Variants in PASD1 observed in about 807,000 individuals in gnomAD.
The protein encoded by PASD1 is circadian clock protein PASD1.
PASD1 carries 13 observed loss-of-function variants against 58.8 expected under a neutral mutation model. The observed-to-expected ratio is 0.22, with a 90% CI of 0.14 to 0.35. The LOEUF (loss-of-function observed/expected upper bound fraction) is 0.35. Ranked by LOEUF, PASD1 falls within the 10% of genes least tolerant of loss-of-function variation. The pLI is 1.00. For missense variants in PASD1, 734 were observed against 568.3 expected, an observed-to-expected ratio of 1.29 and a Z score of -2.96; for synonymous variants, 236 against 216.7, an observed-to-expected ratio of 1.09 and a Z score of -0.78.
chrX:151,602,340 T>C (rs2013428183), intron 2 of PASD1, among the ~76,000 whole-genome samples: 1 of 111,581 alleles, frequency 9.0e-6, no homozygotes, highest in African/African-American at 3.3e-5. Context: ...CACTTTATTC[T>C]GTTTGTAACA....
chrX:151,665,072 G>A lies in PASD1; in HGVS notation c.1071+724G>A, dbSNP rs149586499. On this transcript the variant is annotated intron_variant, in intron 11 of 15. Transcript: ENST00000370357. ...ACTGAGCCTAAGATTGAGTGACTCC[G>A]GTTCAAAAGGATCCTCATCCAGTGA... is the stretch of plus-strand genomic sequence containing the variant. Among the ~76,000 whole-genome samples, 106 of 112,007 alleles carry A rather than the reference G, an allele frequency of 9.5e-4. 1 individual carries two copies. The highest frequency in any genetic ancestry group is 1.6e-3 in the Non-Finnish European group (84 of 53,221).
At chrX:151,570,211 A>T (rs1445306189) in intron 1 of PASD1, among the ~76,000 whole-genome samples, 1 of 111,442 alleles carries the variant, frequency 9.0e-6, no homozygotes, top group Non-Finnish European at 1.9e-5. Flanking sequence ...AAGTTGAAAT[A>T]AAGTAAAATA....
At position 151,601,581 on chromosome X, in the gene PASD1, G is replaced by T; in HGVS notation, c.28G>T (p.Asp10Tyr). The T allele has an allele frequency of 2.5e-6, 3 of 1,209,428 alleles. No individual in the cohort carries two copies. Among genetic ancestry groups the T allele is most frequent in the South Asian group, 3.5e-5 (2 of 56,787 alleles). The change falls in exon 2 of 16, where the codon GAC becomes TAC. Residue 10 changes from aspartate to tyrosine, a missense_variant and splice_region_variant. By Grantham distance (160) the Asp-to-Tyr change is radical. Coordinates refer to ENST00000370357, the MANE Select transcript of PASD1 (RefSeq NM_173493.3). ...GAAGATGAGAGGGGAAAAGAGAAGA[G>T]GTATGCATTCATAACTGACTGACAT... MKMRGEKRR[D>Y]KVNPKSSQRK...
intron 8 of PASD1, among the ~76,000 whole-genome samples, chrX:151,639,306 TTTATAG>T (rs748141450): frequency 9.2e-4 from 103 of 112,530 alleles, no homozygotes; most frequent in Admixed American, 6.7e-3. Context: ...AATTTTTAAC[TTTATAG>T]TTATCTCTAA....
At chrX:151,585,098 A>G (rs1281822156) in intron 1 of PASD1, among the ~76,000 whole-genome samples, 1 of 111,977 alleles carries the variant, frequency 8.9e-6, no homozygotes, top group Non-Finnish European at 1.9e-5. Context: ...ATTCTAGTGG[A>G]AGAATAAGAA....
At chrX:151,634,995 G>T (rs1172597630) in intron 8 of PASD1, among the ~76,000 whole-genome samples, 4 of 111,527 alleles carry the variant, frequency 3.6e-5, no homozygotes, top group African/African-American at 1.3e-4. Flanking sequence ...TGGCATTTTG[G>T]TTAGGAAGTT....
rs1459045610 is a variant in PASD1, at chrX:151,665,454, T to C, written c.1071+1106T>C. ...TCTGCATGTGCTAGTGTATTAGGCTTATTCCTGGGTGCCATGTATCAGCAA... is the reference window on the plus strand; with the variant it reads ...TCTGCATGTGCTAGTGTATTAGGCTCATTCCTGGGTGCCATGTATCAGCAA... On this transcript the variant is annotated intron_variant, in intron 11 of 15. Transcript: ENST00000370357. Among the ~76,000 whole-genome samples the C allele has an allele frequency of 2.7e-5, 3 of 112,056 alleles. No homozygotes were observed. The Admixed American group carries it at 2.9e-4, about 11-fold the overall frequency.
At position 151,671,126 on chromosome X, in the gene PASD1, G is replaced by A; in HGVS notation, c.1160G>A (p.Arg387Lys). Residue 387 changes from arginine (R) to lysine (K), a missense_variant, in exon 12 of 16, where the codon AGG becomes AAG. Arg to Lys is a conservative substitution (Grantham distance 26). Transcript: ENST00000370357. ...MKKLKEQLEE[R>K]TWLLHDAIQN... ...AAGTTGAAGGAGCAGCTAGAAGAGAGGACTTGGTTGCTGCATGATGCCATC... is the reference window on the plus strand; with the variant it reads ...AAGTTGAAGGAGCAGCTAGAAGAGAAGACTTGGTTGCTGCATGATGCCATC... 1 of 1,211,823 alleles carries A rather than the reference G, an allele frequency of 8.3e-7. No individual in the cohort carries two copies. Among genetic ancestry groups the A allele is most frequent in the Non-Finnish European group, 1.1e-6 (1 of 895,454 alleles).
intron 3 of PASD1, among the ~76,000 whole-genome samples, chrX:151,607,913 G>T (rs1041083125): frequency 1.8e-5 from 2 of 111,772 alleles, no homozygotes; most frequent in Admixed American, 9.5e-5. Context: ...GGGTGGGATG[G>T]GGTATGAATC....
intron 9 of PASD1, among the ~76,000 whole-genome samples, chrX:151,657,467 C>T (rs1162296008): frequency 9.0e-6 from 1 of 111,349 alleles, no homozygotes; most frequent in African/African-American, 3.3e-5. Context: ...TGGTAGAATT[C>T]GACTGTGAGT....
Position 151,566,293 on chromosome X carries a change from G to A in PASD1, c.-28+2454G>A, listed in dbSNP as rs893966409. ...AGAAACCCAGACACTGGACTTCAAA[G>A]AGAAGGGAGTGATCAATTTACCCTG... On this transcript the variant is annotated intron_variant, in intron 1 of 15. Coordinates refer to ENST00000370357, the MANE Select transcript of PASD1 (RefSeq NM_173493.3). Among the ~76,000 whole-genome samples the A allele has an allele frequency of 3.6e-5, 4 of 112,432 alleles. No homozygotes were observed. The South Asian group carries it at 1.5e-3, about 42-fold the overall frequency.
At chrX:151,626,255 A>G (rs765743312) in intron 8 of PASD1, among the ~76,000 whole-genome samples, 5 of 112,034 alleles carry the variant, frequency 4.5e-5, no homozygotes, top group Non-Finnish European at 7.5e-5. Context: ...TGCTAATTAT[A>G]CAGGCATTCC....
chrX:151,567,151 G>A (rs1305423301), intron 1 of PASD1, among the ~76,000 whole-genome samples: 3 of 110,959 alleles, frequency 2.7e-5, no homozygotes, highest in Admixed American at 9.6e-5. Context: ...TTCGATTTTC[G>A]AGTCAGGGAT....
chrX:151,671,367 G>A (rs2014466600), intron 12 of PASD1, among the ~76,000 whole-genome samples, 171 bp downstream of exon 12: 1 of 112,157 alleles, frequency 8.9e-6, no homozygotes, highest in African/African-American at 3.2e-5. Flanking sequence ...CTCCAGCAGG[G>A]ACTTAGAGTT....
At chrX:151,587,706 A>G (rs1202676103) in intron 1 of PASD1, among the ~76,000 whole-genome samples, 1 of 111,796 alleles carries the variant, frequency 8.9e-6, no homozygotes, top group Non-Finnish European at 1.9e-5. Flanking sequence ...GGATACCTCA[A>G]AAACACCAGG....
At chrX:151,604,439 T>C (rs1301507313) in intron 2 of PASD1, among the ~76,000 whole-genome samples, 1 of 112,038 alleles carries the variant, frequency 8.9e-6, no homozygotes, top group Non-Finnish European at 1.9e-5. Flanking sequence ...TTGGATGATC[T>C]TCAAAGTCTT....
At chrX:151,630,568 G>T (rs1388422259) in intron 8 of PASD1, among the ~76,000 whole-genome samples, 1 of 112,322 alleles carries the variant, frequency 8.9e-6, no homozygotes, top group Non-Finnish European at 1.9e-5. Context: ...AGAAGAGATT[G>T]CATCATATCA....
At chrX:151,578,996 C>T (rs1216484970) in intron 1 of PASD1, among the ~76,000 whole-genome samples, 1 of 111,987 alleles carries the variant, frequency 8.9e-6, no homozygotes, top group African/African-American at 3.2e-5. Context: ...TCCTGAGAAC[C>T]CGTCCTTTAA....
chrX:151,614,739 G>T (rs1343324537), intron 4 of PASD1, among the ~76,000 whole-genome samples: 1 of 111,920 alleles, frequency 8.9e-6, no homozygotes, highest in African/African-American at 3.3e-5. Context: ...AGATTATCTT[G>T]TAGTTAGGTT....
Sources: gnomAD v4.1 joint callset for allele counts (sites outside exome capture counted in the v4.1 genomes callset) on GRCh38, gnomAD v4.1.1 for gene constraint, MANE v1.5 for transcripts, NCBI Gene and HGNC (gene_info 2026-07-23, HGNC 2026-07-21) for gene names.